GUCY1A2: variants seen among roughly 807,000 people sequenced by gnomAD.
GUCY1A2 encodes guanylate cyclase soluble subunit alpha-2.
A neutral mutation model predicts 63.5 loss-of-function variants in GUCY1A2; 27 were observed. The ratio of observed to expected loss-of-function variants is 0.43; its 90% CI spans 0.31 to 0.59. The LOEUF (loss-of-function observed/expected upper bound fraction) is 0.59. Ranked by LOEUF, GUCY1A2 falls within the 20% of genes least tolerant of loss-of-function variation. GUCY1A2 has a pLI of 0.11. For synonymous variants in GUCY1A2, 364 were observed against 343.5 expected (o/e 1.06, Z -0.66); for missense variants, 768 against 913.3 (o/e 0.84, Z 2.05).
intron 6 of GUCY1A2, among the ~76,000 whole-genome samples, chr11:106,749,148 A>G (rs1167535913): frequency 6.6e-6 from 1 of 152,068 alleles, no homozygotes; most frequent in Non-Finnish European, 1.5e-5. Flanking sequence ...GTAGCCTAGG[A>G]GGACTAGGCT....
At chr11:106,783,091 C>A (rs765344904) in intron 5 of GUCY1A2, among the ~76,000 whole-genome samples, 1 of 152,122 alleles carries the variant, frequency 6.6e-6, no homozygotes, top group Non-Finnish European at 1.5e-5. Context: ...CCTGAGGTTG[C>A]GGTTCTTAAA....
chr11:106,822,660 T>G (rs1858918570), intron 4 of GUCY1A2, among the ~76,000 whole-genome samples: 1 of 152,194 alleles, frequency 6.6e-6, no homozygotes, highest in Non-Finnish European at 1.5e-5. Context: ...GATAATAGCC[T>G]CCAGCTGAAC....
intron 5 of GUCY1A2, among the ~76,000 whole-genome samples, chr11:106,803,106 CACAACACT>C (rs1183928403): frequency 6.6e-6 from 1 of 152,028 alleles, no homozygotes; most frequent in Non-Finnish European, 1.5e-5. Context: ...CAGAATATGC[CACAACACT>C]AAAAGAAATG....
chr11:107,009,288 A>G (rs748955326), intron 1 of GUCY1A2, among the ~76,000 whole-genome samples: 32 of 152,160 alleles, frequency 2.1e-4, no homozygotes, highest in Non-Finnish European at 4.7e-4. Context: ...AAATTCTGGC[A>G]TTCAGATCTG....
chr11:106,900,736 A>T (rs147950443), intron 4 of GUCY1A2, among the ~76,000 whole-genome samples: 166 of 152,318 alleles, frequency 1.1e-3, no homozygotes, highest in African/African-American at 3.7e-3. Context: ...CCTAGTGCAT[A>T]TACAAATTAT....
chr11:106,933,660 A>C (rs1424937903), intron 4 of GUCY1A2, among the ~76,000 whole-genome samples: 5 of 152,224 alleles, frequency 3.3e-5, no homozygotes, highest in Non-Finnish European at 7.3e-5. Context: ...TTATTGCAGC[A>C]CTATTCACAA....
chr11:106,811,932 A>G (rs986891945), intron 4 of GUCY1A2, among the ~76,000 whole-genome samples: 4 of 152,028 alleles, frequency 2.6e-5, no homozygotes, highest in Non-Finnish European at 5.9e-5. Context: ...CGGCCAGAGA[A>G]TAGGAGGAGG....
chr11:106,719,773 A>C (rs1863281833), intron 6 of GUCY1A2, among the ~76,000 whole-genome samples: 1 of 152,188 alleles, frequency 6.6e-6, no homozygotes, highest in Non-Finnish European at 1.5e-5. Flanking sequence ...GGGTATTGGG[A>C]TTTTTAACCC....
At chr11:106,766,374 G>A (rs1864162761) in intron 6 of GUCY1A2, among the ~76,000 whole-genome samples, 1 of 152,014 alleles carries the variant, frequency 6.6e-6, no homozygotes, top group South Asian at 2.1e-4. Context: ...AGCTTATTCA[G>A]TTTTTAAAAT....
At chr11:106,781,112 C>CAAAAAAAA (rs565279937) in intron 5 of GUCY1A2, among the ~76,000 whole-genome samples, 68 of 88,880 alleles carry the variant, frequency 7.7e-4, no homozygotes, top group Non-Finnish European at 9.5e-4. Flanking sequence ...AAACAGACTA[C>CAAAAAAAA]AAAAAAAAAA....
intron 4 of GUCY1A2, among the ~76,000 whole-genome samples, chr11:106,833,089 A>G (rs574505007): frequency 1.3e-5 from 2 of 152,170 alleles, no homozygotes; most frequent in East Asian, 1.9e-4. Context: ...TTGCAGCAGC[A>G]TAACTCTAAT....
chr11:106,755,422 C>G (rs1479125678), intron 6 of GUCY1A2, among the ~76,000 whole-genome samples: 1 of 152,044 alleles, frequency 6.6e-6, no homozygotes, highest in Admixed American at 6.6e-5. Flanking sequence ...CTTCTCTATT[C>G]TTTTAATTGT....
At chr11:106,765,515 A>G (rs1195850946) in intron 6 of GUCY1A2, among the ~76,000 whole-genome samples, 4 of 152,126 alleles carry the variant, frequency 2.6e-5, no homozygotes, top group Non-Finnish European at 5.9e-5. Context: ...ATTGTTTAGA[A>G]AATCATAAGC....
intron 4 of GUCY1A2, among the ~76,000 whole-genome samples, chr11:106,938,362 G>C (rs1860706995): frequency 6.6e-6 from 1 of 152,192 alleles, no homozygotes. Flanking sequence ...GCTGCTTTCA[G>C]AGGGCTATTT....
chr11:106,745,193 T>A (rs560336165), intron 6 of GUCY1A2, among the ~76,000 whole-genome samples: 1 of 152,336 alleles, frequency 6.6e-6, no homozygotes, highest in East Asian at 1.9e-4. Flanking sequence ...TTACTATATT[T>A]AGACTGAAAA....
At chr11:106,968,868 C>G (rs993296736) in intron 3 of GUCY1A2, among the ~76,000 whole-genome samples, 1 of 25,784 alleles carries the variant, frequency 3.9e-5, no homozygotes, top group Non-Finnish European at 7.7e-5. Flanking sequence ...CCACAACAGA[C>G]CAGGAATTGG....
At chr11:106,978,548 A>C (rs1398605685) in intron 3 of GUCY1A2, 71 bp downstream of exon 3, 1 of 1,062,044 alleles carries the variant, frequency 9.4e-7, no homozygotes, top group African/African-American at 1.6e-5. Flanking sequence ...GTAGAACATG[A>C]AACACTTCCA....
chr11:106,980,962 C>T (rs1420842042), intron 2 of GUCY1A2, among the ~76,000 whole-genome samples: 1 of 152,136 alleles, frequency 6.6e-6, no homozygotes, highest in Non-Finnish European at 1.5e-5. Context: ...ACCTCAATTT[C>T]CTCATCTGTA....
At chr11:106,801,107 G>C (rs984169668) in intron 5 of GUCY1A2, among the ~76,000 whole-genome samples, 6 of 152,174 alleles carry the variant, frequency 3.9e-5, no homozygotes, top group African/African-American at 9.6e-5. Flanking sequence ...GAGCCAAAGA[G>C]AATAAGTATT....
Sources: gnomAD v4.1 joint callset for allele counts (sites outside exome capture counted in the v4.1 genomes callset) on GRCh38, gnomAD v4.1.1 for gene constraint, MANE v1.5 for transcripts, NCBI Gene and HGNC (gene_info 2026-07-23, HGNC 2026-07-21) for gene names.